The following ATRNL1 variants were observed in gnomAD, a reference collection of about 807,000 sequenced individuals.
ATRNL1 encodes attractin like 1, also known as attractin-like protein 1.
A neutral mutation model predicts 182.7 loss-of-function variants in ATRNL1; 95 were observed. That is an observed-to-expected ratio of 0.52 (90% CI 0.44 to 0.62). The LOEUF is 0.62. ATRNL1 is among the 20% of genes least tolerant of loss of function. The probability of loss-of-function intolerance (pLI) is 0.00; values close to 1 mark genes in which losing one functional copy is unlikely to be tolerated. For missense variants in ATRNL1, 1,471 were observed against 1,679.5 expected (o/e 0.88, Z 2.17); for synonymous variants, 576 against 568.3 (o/e 1.01, Z -0.19).
chr10:115,108,851 C>A (rs2143508619), intron 1 of ATRNL1, among the ~76,000 whole-genome samples: 1 of 152,280 alleles, frequency 6.6e-6, no homozygotes, highest in African/African-American at 2.4e-5. Flanking sequence ...TTCTAACTCC[C>A]ATTATACTAG....
intron 27 of ATRNL1, among the ~76,000 whole-genome samples, chr10:115,772,597 CTG>C (rs57939999): frequency 0.028 from 3,944 of 140,348 alleles, 97 homozygotes; most frequent in African/African-American, 0.069. Context: ...TATACTCTGT[CTG>C]TGTGTGTGTG....
chr10:115,564,550 T>C (rs1853956691), intron 26 of ATRNL1, among the ~76,000 whole-genome samples: 1 of 152,054 alleles, frequency 6.6e-6, no homozygotes, highest in East Asian at 1.9e-4. Context: ...TTAGAAGTCA[T>C]CTCCTCTTTA....
chr10:115,579,982 A>C (rs1555006669), intron 26 of ATRNL1, among the ~76,000 whole-genome samples: 1 of 152,050 alleles, frequency 6.6e-6, no homozygotes, highest in East Asian at 1.9e-4. Flanking sequence ...TGCATGCCAG[A>C]ATTCACTGCT....
intron 19 of ATRNL1, among the ~76,000 whole-genome samples, chr10:115,367,965 G>C (rs1408168190): frequency 6.6e-6 from 1 of 151,872 alleles, no homozygotes; most frequent in African/African-American, 2.4e-5. Flanking sequence ...GGTTACTGCT[G>C]TCTTTTTGTT....
At chr10:115,244,498 A>G (rs181363649) in intron 10 of ATRNL1, among the ~76,000 whole-genome samples, 6 of 152,260 alleles carry the variant, frequency 3.9e-5, no homozygotes, top group African/African-American at 2.4e-5. Flanking sequence ...CTGGGCATCT[A>G]TGTTTTTTAA....
At chr10:115,337,555 C>G (rs1554937115) in intron 19 of ATRNL1, among the ~76,000 whole-genome samples, 1 of 152,086 alleles carries the variant, frequency 6.6e-6, no homozygotes, top group Non-Finnish European at 1.5e-5. Context: ...ATTACCCTTC[C>G]CAGCCTCTGG....
intron 5 of ATRNL1, among the ~76,000 whole-genome samples, chr10:115,157,381 A>G (rs1846572002): frequency 6.6e-6 from 1 of 152,136 alleles, no homozygotes; most frequent in African/African-American, 2.4e-5. Flanking sequence ...CATTTTGGTT[A>G]TAGAATACAG....
chr10:115,620,794 A>C (rs74161610), intron 26 of ATRNL1, among the ~76,000 whole-genome samples: 1,669 of 152,350 alleles, frequency 0.011, 30 homozygotes, highest in African/African-American at 0.038. Context: ...GTGTAAACAC[A>C]CATGAACACA....
intron 21 of ATRNL1, among the ~76,000 whole-genome samples, chr10:115,430,927 A>G (rs1469038599): frequency 2.0e-5 from 3 of 152,120 alleles, no homozygotes; most frequent in Non-Finnish European, 2.9e-5. Flanking sequence ...TATCAATAGT[A>G]TTTAGGTTGA....
At chr10:115,788,622 T>C (rs1949451954) in intron 27 of ATRNL1, among the ~76,000 whole-genome samples, 1 of 152,174 alleles carries the variant, frequency 6.6e-6, no homozygotes, top group South Asian at 2.1e-4. Flanking sequence ...GAAAAGCAAT[T>C]ATTAGTGCCC....
At chr10:115,099,912 A>G (rs1253602714) in intron 1 of ATRNL1, among the ~76,000 whole-genome samples, 1 of 152,226 alleles carries the variant, frequency 6.6e-6, no homozygotes, top group Non-Finnish European at 1.5e-5. Flanking sequence ...ATCTCTTGAC[A>G]GTATTTTTCA....
chr10:115,467,356 A>G (rs1554971068), intron 23 of ATRNL1, 104 bp downstream of exon 23: 2 of 711,094 alleles, frequency 2.8e-6, no homozygotes, highest in African/African-American at 1.9e-5. Flanking sequence ...TAAAAATGTT[A>G]TATGACAGGA....
chr10:115,800,736 G>A (rs1403306485), intron 27 of ATRNL1, among the ~76,000 whole-genome samples: 2 of 152,096 alleles, frequency 1.3e-5, no homozygotes, highest in Non-Finnish European at 2.9e-5. Context: ...AGGTCATGAG[G>A]GTGAGTTTTC....
chr10:115,495,473 CTT>C (rs1554977926), intron 24 of ATRNL1, among the ~76,000 whole-genome samples: 1 of 152,092 alleles, frequency 6.6e-6, no homozygotes, highest in African/African-American at 2.4e-5. Flanking sequence ...AAACTTTCCT[CTT>C]AACACTGCTT....
intron 26 of ATRNL1, among the ~76,000 whole-genome samples, chr10:115,605,816 AAAT>A (rs565908057): frequency 5.3e-5 from 8 of 151,418 alleles, no homozygotes; most frequent in South Asian, 2.1e-4. Context: ...ATCAGTCTAC[AAAT>A]AATAATAATA....
intron 26 of ATRNL1, among the ~76,000 whole-genome samples, chr10:115,585,433 C>T (rs1175877398): frequency 7.8e-6 from 1 of 127,968 alleles, no homozygotes; most frequent in African/African-American, 3.0e-5. Context: ...CTGCGTGCTC[C>T]TGTATTGGGT....
intron 20 of ATRNL1, among the ~76,000 whole-genome samples, chr10:115,423,497 C>T (rs145614173): frequency 2.0e-3 from 301 of 152,254 alleles, no homozygotes; most frequent in African/African-American, 6.9e-3. Flanking sequence ...CACTGTATTC[C>T]AGCCTGGGCA....
At chr10:115,798,930 G>T (rs1207447359) in intron 27 of ATRNL1, among the ~76,000 whole-genome samples, 1 of 150,424 alleles carries the variant, frequency 6.6e-6, no homozygotes, top group Non-Finnish European at 1.5e-5. Flanking sequence ...GGGCTCAAGT[G>T]ATTCTCCTGC....
intron 28 of ATRNL1, among the ~76,000 whole-genome samples, chr10:115,868,019 C>T (rs1002020962): frequency 1.3e-5 from 2 of 152,152 alleles, no homozygotes; most frequent in African/African-American, 4.8e-5. Flanking sequence ...CTGCCTCAGC[C>T]TCCCAAAGTG....
Sources: allele counts gnomAD v4.1 joint callset (sites outside exome capture counted in the v4.1 genomes callset), GRCh38; gene constraint gnomAD v4.1.1; transcripts MANE v1.5; gene names NCBI Gene and HGNC (gene_info 2026-07-23, HGNC 2026-07-21).